The following UGT1A10 variants were observed in gnomAD, a reference collection of about 807,000 sequenced individuals.
UGT1A10 encodes UDP glucuronosyltransferase family 1 member A10, also known as UDP-glucuronosyltransferase 1A10.
In UGT1A10, 49 loss-of-function variants were observed where a neutral mutation model predicts 45.8. The ratio of observed to expected loss-of-function variants is 1.07; its 90% CI spans 0.85 to 1.36. The LOEUF is 1.36. Among genes scored for constraint, UGT1A10 ranks in the 40% most tolerant of loss-of-function variants. The pLI, the probability that UGT1A10 is intolerant of heterozygous loss-of-function variation, is 0.00. For synonymous variants in UGT1A10, 284 were observed against 249.7 expected, an observed-to-expected ratio of 1.14 and a Z score of -1.29; for missense variants, 745 against 668.6, an observed-to-expected ratio of 1.11 and a Z score of -1.26.
At chr2:233,641,500 G>T (rs1015661073) in intron 1 of UGT1A10, among the ~76,000 whole-genome samples, 1 of 152,024 alleles carries the variant, frequency 6.6e-6, no homozygotes, top group African/African-American at 2.4e-5. Flanking sequence ...TTTTTGATTT[G>T]TTCATTGTTT....
At chr2:233,706,737 A>G (rs2075921386) in intron 1 of UGT1A10, among the ~76,000 whole-genome samples, 1 of 152,172 alleles carries the variant, frequency 6.6e-6, no homozygotes, top group Non-Finnish European at 1.5e-5. Context: ...GTTGACAGTG[A>G]CTGTGAAGCA....
At chr2:233,680,621 A>G (rs1005477495) in intron 1 of UGT1A10, among the ~76,000 whole-genome samples, 1 of 152,204 alleles carries the variant, frequency 6.6e-6, no homozygotes, top group Non-Finnish European at 1.5e-5. Context: ...ATTCAGCCCA[A>G]TGCAATGAGA....
At chr2:233,663,538 T>G (rs1008166625) in intron 1 of UGT1A10, among the ~76,000 whole-genome samples, 1 of 152,044 alleles carries the variant, frequency 6.6e-6, no homozygotes, top group Non-Finnish European at 1.5e-5. Flanking sequence ...GCACTGATCT[T>G]AGGAGTGGTT....
intron 1 of UGT1A10, among the ~76,000 whole-genome samples, chr2:233,700,272 A>G (rs1488856849): frequency 6.6e-6 from 1 of 152,218 alleles, no homozygotes; most frequent in Non-Finnish European, 1.5e-5. Context: ...CTTAATAGGC[A>G]CTTTTTAAAA....
Position 233,672,556 on chromosome 2 carries a change from C to T in UGT1A10, c.855+35179C>T, listed in dbSNP as rs111861762. The T allele has an allele frequency of 1.1e-4, 171 of 1,613,914 alleles. No individual in the cohort carries two copies. In the African/African-American group the frequency reaches 1.2e-3, roughly 11 times the overall value. On this transcript the variant is annotated intron_variant, in intron 1 of 4. Coordinates refer to ENST00000344644, the MANE Select transcript of UGT1A10 (RefSeq NM_019075.4). ...TGCCATGACTTTCAAGGAGAGAGTA[C>T]GGAACCACATCATGCACTTGGAGGA...
At chr2:233,709,424 T>C (rs1189444828) in intron 1 of UGT1A10, among the ~76,000 whole-genome samples, 1 of 152,212 alleles carries the variant, frequency 6.6e-6, no homozygotes. Flanking sequence ...AAGAATGTCC[T>C]CCAGAAAGGA....
chr2:233,754,883 G>A (rs762017567), intron 1 of UGT1A10: 29 of 1,351,538 alleles, frequency 2.1e-5, no homozygotes, highest in East Asian at 4.6e-5. Context: ...TGCTTCCCAG[G>A]GAGTTCCTCT....
chr2:233,668,087 G>A (rs1166439589), intron 1 of UGT1A10, among the ~76,000 whole-genome samples: 1 of 151,806 alleles, frequency 6.6e-6, no homozygotes, highest in African/African-American at 2.4e-5. Context: ...TTAAGTTCTA[G>A]GGTACATGTG....
rs62625011 is a variant in UGT1A10 at position 233,767,092 on chromosome 2, G to A, written c.914G>A (p.Gly305Glu). The A allele has an allele frequency of 2.5e-6, 4 of 1,614,070 alleles. No individual in the cohort carries two copies. In the Admixed American group the frequency reaches 5.0e-5, roughly 20 times the overall value. The change falls in exon 2 of 5, where the codon GGA becomes GAA. Residue 305 changes from glycine to glutamate, a missense_variant. Coordinates refer to ENST00000344644, the MANE Select transcript of UGT1A10 (RefSeq NM_019075.4). ...CATGGAATTGTGGTTTTCTCTTTGG[G>A]ATCAATGGTCTCAGAAATTCCAGAG... ...GEHGIVVFSL[G>E]SMVSEIPEKK...
intron 1 of UGT1A10, chr2:233,713,516 C>A: frequency 1.2e-6 from 2 of 1,613,934 alleles, no homozygotes; most frequent in Non-Finnish European, 1.7e-6. Context: ...TCTTGAGGAA[C>A]ATTCCATGTG....
chr2:233,688,214 G>A (rs1164315622), intron 1 of UGT1A10, among the ~76,000 whole-genome samples: 3 of 152,134 alleles, frequency 2.0e-5, no homozygotes, highest in South Asian at 2.1e-4. Flanking sequence ...TAGTTTTGTG[G>A]CTTATCCATG....
At chr2:233,649,992 C>T (rs2073699035) in intron 1 of UGT1A10, among the ~76,000 whole-genome samples, 1 of 152,138 alleles carries the variant, frequency 6.6e-6, no homozygotes, top group African/African-American at 2.4e-5. Flanking sequence ...TGTTTTGAGA[C>T]AGAGTTTCAC....
chr2:233,768,725 G>T (rs933444797), intron 4 of UGT1A10, among the ~76,000 whole-genome samples: 1 of 151,378 alleles, frequency 6.6e-6, no homozygotes, highest in African/African-American at 2.4e-5. Context: ...TGGGATTACA[G>T]GTGTCCACCA....
chr2:233,679,856 A>G (rs899932288), intron 1 of UGT1A10, among the ~76,000 whole-genome samples: 3 of 152,178 alleles, frequency 2.0e-5, no homozygotes, highest in Admixed American at 6.5e-5. Context: ...ATTGGCATCT[A>G]TAAATAAGCC....
chr2:233,708,950 T>G (rs566854735), intron 1 of UGT1A10, among the ~76,000 whole-genome samples: 79 of 152,176 alleles, frequency 5.2e-4, no homozygotes, highest in Non-Finnish European at 9.3e-4. Context: ...AGAACCCATT[T>G]ATATGTTTCC....
intron 1 of UGT1A10, among the ~76,000 whole-genome samples, chr2:233,657,391 A>G (rs1472060945): frequency 2.6e-5 from 4 of 152,232 alleles, no homozygotes; most frequent in Admixed American, 6.5e-5. Context: ...GACTTGGGCT[A>G]CTTCCACTCA....
At chr2:233,694,618 C>A (rs1257635329) in intron 1 of UGT1A10, among the ~76,000 whole-genome samples, 5 of 152,218 alleles carry the variant, frequency 3.3e-5, no homozygotes, top group East Asian at 1.9e-4. Flanking sequence ...CTCCCTCTAT[C>A]TTTTATGCCT....
At chr2:233,694,816 T>C (rs1479520532) in intron 1 of UGT1A10, among the ~76,000 whole-genome samples, 1 of 152,198 alleles carries the variant, frequency 6.6e-6, no homozygotes, top group Non-Finnish European at 1.5e-5. Context: ...TTCTGGGGCA[T>C]GAAATAAAAA....
At position 233,713,972 on chromosome 2, in the gene UGT1A10, C is replaced by T. The variant is rs191784973; in HGVS notation, c.856-53062C>T. On this transcript the variant is annotated intron_variant, in intron 1 of 4. Transcript: ENST00000344644. ...TATCTTTCCAAAGATTTCATTTCTG[C>T]TTCTCATTGTTGTAATAGTCTTCAG... 1.3e-3 allele frequency: 2,084 copies of T among 1,599,986 alleles called. 2 individuals carry two copies. Among genetic ancestry groups the T allele is most frequent in the Non-Finnish European group, 1.6e-3 (1,935 of 1,173,724 alleles).
Sources: allele counts gnomAD v4.1 joint callset (sites outside exome capture counted in the v4.1 genomes callset), GRCh38; gene constraint gnomAD v4.1.1; transcripts MANE v1.5; gene names NCBI Gene and HGNC (gene_info 2026-07-23, HGNC 2026-07-21).